Variants in GABRG3 observed in about 807,000 individuals in gnomAD.
GABRG3 encodes the protein gamma-aminobutyric acid type A receptor subunit gamma3.
Under a neutral mutation model 48.8 loss-of-function variants are expected in GABRG3, and 25 were observed. The observed-to-expected ratio is 0.51, with a 90% CI of 0.37 to 0.72. The LOEUF (loss-of-function observed/expected upper bound fraction) is 0.72, where lower values mean the gene tolerates loss of function less well. Ranked by LOEUF, GABRG3 falls within the 30% of genes least tolerant of loss-of-function variation. The pLI is 0.00. For synonymous variants in GABRG3, 227 were observed against 217.6 expected, an observed-to-expected ratio of 1.04 and a Z score of -0.38; for missense variants, 394 against 577.9, an observed-to-expected ratio of 0.68 and a Z score of 3.26.
intron 3 of GABRG3, among the ~76,000 whole-genome samples, chr15:27,148,577 A>G (rs967770075): frequency 3.9e-5 from 6 of 152,034 alleles, no homozygotes; most frequent in African/African-American, 1.2e-4. Flanking sequence ...TCATACAAAT[A>G]TACAAATACT....
chr15:27,152,064 CT>C (rs1347104760), intron 3 of GABRG3, among the ~76,000 whole-genome samples: 2 of 151,928 alleles, frequency 1.3e-5, no homozygotes, highest in African/African-American at 2.4e-5. Flanking sequence ...AGAAGTAGAC[CT>C]TTTTTTATAG....
At chr15:27,118,973 A>G (rs896932380) in intron 3 of GABRG3, among the ~76,000 whole-genome samples, 3 of 152,216 alleles carry the variant, frequency 2.0e-5, no homozygotes, top group Non-Finnish European at 4.4e-5. Context: ...AGAAGCAGAA[A>G]GGTCACTCAC....
intron 6 of GABRG3, among the ~76,000 whole-genome samples, chr15:27,489,910 C>T (rs1160900480): frequency 7.2e-5 from 11 of 152,060 alleles, no homozygotes; most frequent in Non-Finnish European, 1.5e-5. Flanking sequence ...CTTTTGTTGC[C>T]ATTGCTTTTG....
intron 2 of GABRG3, among the ~76,000 whole-genome samples, chr15:27,001,213 T>A (rs1895440910): frequency 6.6e-6 from 1 of 152,242 alleles, no homozygotes; most frequent in African/African-American, 2.4e-5. Flanking sequence ...TTTGTCTGAT[T>A]TTTGATTGTT....
At chr15:27,192,498 T>G (rs1467233375) in intron 3 of GABRG3, among the ~76,000 whole-genome samples, 2 of 152,236 alleles carry the variant, frequency 1.3e-5, no homozygotes, top group African/African-American at 4.8e-5. Context: ...CTGATACCCT[T>G]TCTTCCAGTT....
chr15:27,181,409 C>T (rs892309934), intron 3 of GABRG3, among the ~76,000 whole-genome samples: 1 of 152,124 alleles, frequency 6.6e-6, no homozygotes, highest in Admixed American at 6.5e-5. Context: ...GATTTCTATC[C>T]TAATACAAAT....
chr15:27,250,096 CCCCCACCAG>C (rs1237819529), intron 3 of GABRG3, among the ~76,000 whole-genome samples: 2 of 152,102 alleles, frequency 1.3e-5, no homozygotes, highest in Non-Finnish European at 1.5e-5. Context: ...CCCTCACCAG[CCCCCACCAG>C]GTGCTCTGTC....
At chr15:27,256,186 T>C (rs1890605962) in intron 3 of GABRG3, among the ~76,000 whole-genome samples, 1 of 152,084 alleles carries the variant, frequency 6.6e-6, no homozygotes, top group South Asian at 2.1e-4. Context: ...CTCATGCCTG[T>C]AATCCCAGCA....
rs539492874 is a variant in GABRG3, at chr15:27,208,382, A to C, written c.271-118427A>C. The C allele has an allele frequency of 1.3e-5, 3 of 228,194 alleles. No individual in the cohort carries two copies. The East Asian group carries it at 3.3e-4, about 25-fold the overall frequency. The allele number at this position is 228,194 out of a possible 1,614,324, so 14.1% of individuals were successfully genotyped here. ...CTGCACTTCATTGGCCTTGATGCCC[A>C]GGTAGGTGATGCCAGAGTCCTTGGA... On this transcript the variant is annotated intron_variant, in intron 3 of 9. Transcript: ENST00000615808.
chr15:27,211,040 G>A (rs1889063046), intron 3 of GABRG3, among the ~76,000 whole-genome samples: 1 of 152,202 alleles, frequency 6.6e-6, no homozygotes, highest in Non-Finnish European at 1.5e-5. Context: ...TAGCCTGTAA[G>A]GGAGTAGATT....
At chr15:27,095,388 A>T (rs987586757) in intron 3 of GABRG3, among the ~76,000 whole-genome samples, 1 of 152,126 alleles carries the variant, frequency 6.6e-6, no homozygotes, top group African/African-American at 2.4e-5. Context: ...ATCAAGACAC[A>T]CCCCATATAC....
chr15:27,367,964 TG>T (rs1214432239), intron 5 of GABRG3, among the ~76,000 whole-genome samples: 1 of 152,150 alleles, frequency 6.6e-6, no homozygotes, highest in African/African-American at 2.4e-5. Context: ...CTCTCTGCTC[TG>T]TCTCCTTTCT....
intron 2 of GABRG3, among the ~76,000 whole-genome samples, chr15:27,016,234 T>TA (rs1303754710): frequency 8.4e-6 from 1 of 119,598 alleles, no homozygotes; most frequent in Non-Finnish European, 1.8e-5. Flanking sequence ...CTTTCTTTCT[T>TA]TCTTTCTTTT....
intron 5 of GABRG3, among the ~76,000 whole-genome samples, chr15:27,440,785 T>A (rs1443614270): frequency 6.6e-6 from 1 of 152,230 alleles, no homozygotes; most frequent in Admixed American, 6.5e-5. Context: ...AAAGGCAATA[T>A]CAATGGAACA....
intron 5 of GABRG3, among the ~76,000 whole-genome samples, chr15:27,469,561 G>A (rs1436631208): frequency 6.6e-6 from 1 of 152,006 alleles, no homozygotes; most frequent in Non-Finnish European, 1.5e-5. Context: ...GGCTGGTCTC[G>A]AACTCCTGAC....
chr15:27,105,502 G>A (rs1355905118), intron 3 of GABRG3, among the ~76,000 whole-genome samples: 1 of 151,848 alleles, frequency 6.6e-6, no homozygotes, highest in African/African-American at 2.4e-5. Context: ...CTGTATCTTG[G>A]GTCACAAAAC....
intron 3 of GABRG3, among the ~76,000 whole-genome samples, chr15:27,193,425 G>A (rs4429260): frequency 0.018 from 2,735 of 152,004 alleles, 94 homozygotes; most frequent in African/African-American, 0.062. Context: ...GGGCAATGGC[G>A]GGCGCCCCTC....
chr15:27,517,213 G>A (rs1891042254), intron 6 of GABRG3, among the ~76,000 whole-genome samples: 1 of 151,704 alleles, frequency 6.6e-6, no homozygotes, highest in Admixed American at 6.6e-5. Flanking sequence ...GTCATTGCCA[G>A]TATCATGCAC....
At chr15:27,065,357 T>C (rs117700629) in intron 3 of GABRG3, among the ~76,000 whole-genome samples, 52 of 152,306 alleles carry the variant, frequency 3.4e-4, no homozygotes, top group Non-Finnish European at 6.6e-4. Context: ...GTCTAAAAAC[T>C]GGAAAGGATC....
Sources: allele counts gnomAD v4.1 joint callset (sites outside exome capture counted in the v4.1 genomes callset), GRCh38; gene constraint gnomAD v4.1.1; transcripts MANE v1.5; gene names NCBI Gene and HGNC (gene_info 2026-07-23, HGNC 2026-07-21).